CNTN3: variants seen among roughly 807,000 people sequenced by gnomAD.
CNTN3 encodes contactin-3.
CNTN3 carries 60 observed loss-of-function variants against 119.1 expected under a neutral mutation model. The observed-to-expected ratio is 0.50, with a 90% CI of 0.41 to 0.62. The LOEUF (loss-of-function observed/expected upper bound fraction) is 0.62. CNTN3 is among the 20% of genes least tolerant of loss of function. The pLI is 0.00. For missense variants in CNTN3, 1,101 were observed against 1,242.4 expected, an observed-to-expected ratio of 0.89 and a Z score of 1.71; for synonymous variants, 450 against 438.7, an observed-to-expected ratio of 1.03 and a Z score of -0.32.
At chr3:74,435,657 T>A (rs545618830) in intron 4 of CNTN3, among the ~76,000 whole-genome samples, 3 of 152,242 alleles carry the variant, frequency 2.0e-5, no homozygotes, top group Non-Finnish European at 4.4e-5. Context: ...GACACTGTGA[T>A]AGAGATTTTC....
intron 20 of CNTN3, among the ~76,000 whole-genome samples, chr3:74,270,369 C>T (rs1701748825): frequency 6.6e-6 from 1 of 152,152 alleles, no homozygotes; most frequent in Admixed American, 6.5e-5. Flanking sequence ...CATGAGATTG[C>T]CAAGTCCCAG....
intron 4 of CNTN3, among the ~76,000 whole-genome samples, chr3:74,464,945 A>G (rs1002239280): frequency 5.9e-5 from 9 of 152,160 alleles, no homozygotes; most frequent in African/African-American, 1.9e-4. Flanking sequence ...CACACTTTCT[A>G]TGGCATCAAA....
intron 1 of CNTN3, among the ~76,000 whole-genome samples, chr3:74,542,340 C>T (rs565917535): frequency 1.3e-5 from 2 of 152,210 alleles, no homozygotes; most frequent in African/African-American, 4.8e-5. Context: ...AGGCTTGGAA[C>T]AAAGATTCAT....
intron 3 of CNTN3, among the ~76,000 whole-genome samples, chr3:74,488,348 C>T (rs923315129): frequency 2.0e-5 from 3 of 152,052 alleles, no homozygotes; most frequent in South Asian, 2.1e-4. Flanking sequence ...CTCCTGACCT[C>T]GTGATCCGCC....
At chr3:74,285,554 AT>A (rs1702094576) in intron 19 of CNTN3, 63 bp from the exon 20 acceptor site, 8 of 1,483,154 alleles carry the variant, frequency 5.4e-6, no homozygotes, top group Non-Finnish European at 7.3e-6. Flanking sequence ...CCATTAAGTG[AT>A]TTTCATTAAA....
chr3:74,470,577 T>C (rs1386543954), intron 4 of CNTN3, among the ~76,000 whole-genome samples: 1 of 152,074 alleles, frequency 6.6e-6, no homozygotes, highest in Non-Finnish European at 1.5e-5. Context: ...GTGGATTTCA[T>C]CCAGGAGCAT....
Position 74,322,584 on chromosome 3 carries a change from C to A in CNTN3, c.1668+12151G>T, listed in dbSNP as rs559995705. ...ATAGCCATTCTGCAAGACAGTCCAG[C>A]AGTTTCTTACAAAATTAAACATACT... On this transcript the variant is annotated intron_variant, in intron 13 of 22. Coordinates refer to ENST00000263665, the MANE Select transcript of CNTN3 (RefSeq NM_020872.3). Among the ~76,000 whole-genome samples, 20 of 152,300 alleles carry A rather than the reference C, an allele frequency of 1.3e-4. No homozygotes were observed. In the South Asian group the frequency reaches 2.3e-3, roughly 17 times the overall value.
chr3:74,411,789 G>C (rs937555431), intron 5 of CNTN3, among the ~76,000 whole-genome samples: 1 of 152,134 alleles, frequency 6.6e-6, no homozygotes, highest in African/African-American at 2.4e-5. Context: ...GTCTTGCCAG[G>C]AAGGCAGTGC....
At chr3:74,469,761 C>T (rs565101450) in intron 4 of CNTN3, among the ~76,000 whole-genome samples, 7 of 152,070 alleles carry the variant, frequency 4.6e-5, no homozygotes, top group East Asian at 3.9e-4. Context: ...GAATGTAAAT[C>T]GGTGCGGTGA....
intron 4 of CNTN3, among the ~76,000 whole-genome samples, chr3:74,473,258 T>C (rs1013079352): frequency 3.3e-5 from 5 of 151,528 alleles, no homozygotes; most frequent in Non-Finnish European, 7.4e-5. Context: ...ATATATCTGG[T>C]TATGTGAGGG....
intron 5 of CNTN3, among the ~76,000 whole-genome samples, chr3:74,381,299 G>C (rs1184290076): frequency 6.6e-6 from 1 of 151,990 alleles, no homozygotes; most frequent in East Asian, 1.9e-4. Flanking sequence ...AAATATATCA[G>C]AGCAACCTGA....
chr3:74,317,920 T>A (rs1559543412), intron 13 of CNTN3, among the ~76,000 whole-genome samples: 3 of 152,214 alleles, frequency 2.0e-5, no homozygotes, highest in Admixed American at 2.0e-4. Flanking sequence ...CTGGATAATA[T>A]CCTGCAGAGT....
intron 5 of CNTN3, among the ~76,000 whole-genome samples, chr3:74,379,969 T>C (rs1204024420): frequency 6.6e-6 from 1 of 152,198 alleles, no homozygotes; most frequent in Non-Finnish European, 1.5e-5. Context: ...ACTTAGACAA[T>C]TCCCTCATGC....
chr3:74,270,316 G>C (rs1219110998), intron 20 of CNTN3, among the ~76,000 whole-genome samples: 1 of 152,166 alleles, frequency 6.6e-6, no homozygotes, highest in East Asian at 1.9e-4. Context: ...AGCCATAAAA[G>C]TCATTGAAGA....
intron 4 of CNTN3, among the ~76,000 whole-genome samples, chr3:74,434,416 C>G (rs1050396225): frequency 6.6e-6 from 1 of 152,144 alleles, no homozygotes; most frequent in African/African-American, 2.4e-5. Context: ...TTCAAACATG[C>G]ACAGTTCACC....
At chr3:74,364,667 A>T (rs575525502) in intron 9 of CNTN3, 71 bp from the exon 10 acceptor site, 1 of 1,319,358 alleles carries the variant, frequency 7.6e-7, no homozygotes, top group Non-Finnish European at 1.1e-6. Flanking sequence ...ACTGACTATC[A>T]TTTCACTCAC....
intron 2 of CNTN3, among the ~76,000 whole-genome samples, chr3:74,514,951 G>A (rs186789086): frequency 1.1e-4 from 17 of 152,146 alleles, no homozygotes; most frequent in African/African-American, 3.6e-4. Flanking sequence ...ACCATTTTTC[G>A]AGTTAGAATT....
At chr3:74,339,854 A>G (rs1703487922) in intron 11 of CNTN3, among the ~76,000 whole-genome samples, 1 of 151,902 alleles carries the variant, frequency 6.6e-6, no homozygotes, top group African/African-American at 2.4e-5. Context: ...GCAGACTAAT[A>G]CAAACACACA....
intron 9 of CNTN3, among the ~76,000 whole-genome samples, chr3:74,364,971 T>G (rs1326357863): frequency 1.3e-5 from 2 of 152,160 alleles, no homozygotes; most frequent in Non-Finnish European, 1.5e-5. Flanking sequence ...TTTCACTATG[T>G]CTTTTCAAAT....
Sources: allele counts gnomAD v4.1 joint callset (sites outside exome capture counted in the v4.1 genomes callset), GRCh38; gene constraint gnomAD v4.1.1; transcripts MANE v1.5; gene names NCBI Gene and HGNC (gene_info 2026-07-23, HGNC 2026-07-21).